Variants in KANTR observed in about 807,000 individuals in gnomAD.
The protein encoded by KANTR is KANTR integral membrane protein.
chrX:53,133,251 C>CA (rs1312667076), intron 2 of KANTR, among the ~76,000 whole-genome samples: 1 of 109,341 alleles, frequency 9.1e-6, no homozygotes, highest in African/African-American at 3.3e-5. Context: ...CCTGTGGTCC[C>CA]AGCTACCAGA....
chrX:53,133,656 A>G (rs781997215), intron 2 of KANTR, among the ~76,000 whole-genome samples: 1 of 111,843 alleles, frequency 8.9e-6, no homozygotes, highest in African/African-American at 3.2e-5. Context: ...ACCACACAGA[A>G]GTTGCCTGCT....
At chrX:53,116,791 C>G (rs1429331678) in intron 2 of KANTR, among the ~76,000 whole-genome samples, 3 of 111,520 alleles carry the variant, frequency 2.7e-5, no homozygotes, top group African/African-American at 9.8e-5. Flanking sequence ...CATCAAAGTC[C>G]TCGCTCTGCC....
At chrX:53,121,453 A>G (rs1933219131) in intron 2 of KANTR, among the ~76,000 whole-genome samples, 2 of 112,235 alleles carry the variant, frequency 1.8e-5, no homozygotes, top group African/African-American at 6.5e-5. Context: ...ACTACTACCT[A>G]AACATCAGAC....
At chrX:53,145,494 C>T (rs1556819183), downstream of KANTR, among the ~76,000 whole-genome samples, 3 of 111,834 alleles carry the variant, frequency 2.7e-5, no homozygotes, top group African/African-American at 6.5e-5. Flanking sequence ...GTAGGTAAAG[C>T]GGCCCGGAAG....
At chrX:53,097,249 C>G (rs1410512271) in intron 1 of KANTR, among the ~76,000 whole-genome samples, 1 of 111,082 alleles carries the variant, frequency 9.0e-6, no homozygotes, top group Non-Finnish European at 1.9e-5. Flanking sequence ...CCCCTCTTAC[C>G]GGGAAACTGG....
At chrX:53,114,209 A>C (rs375214687) in intron 2 of KANTR, among the ~76,000 whole-genome samples, 1,184 of 111,377 alleles carry the variant, frequency 0.011, 16 homozygotes, top group African/African-American at 0.037. Context: ...CAGGTTAAAA[A>C]AATTTTTTCC....
downstream of KANTR, chrX:53,143,304 T>A: frequency 1.6e-6 from 1 of 625,134 alleles, no homozygotes; most frequent in South Asian, 2.4e-5. Context: ...GCGCACAATC[T>A]CCTGCTTGGC....
chrX:53,101,445 A>C (rs781946463), intron 2 of KANTR, among the ~76,000 whole-genome samples: 13 of 111,748 alleles, frequency 1.2e-4, no homozygotes, highest in Non-Finnish European at 2.4e-4. Flanking sequence ...GTCTCCAAAA[A>C]AATAAAAATA....
intron 2 of KANTR, among the ~76,000 whole-genome samples, chrX:53,122,939 CTCAGAGTGT>C (rs1241017388): frequency 1.8e-5 from 2 of 111,893 alleles, no homozygotes; most frequent in Non-Finnish European, 3.8e-5. Context: ...TATAGAATGA[CTCAGAGTGT>C]TCCCTCTTTT....
exon 3 of KANTR, chrX:53,124,733 A>C (rs1556816014): frequency 1.8e-5 from 4 of 223,379 alleles, no homozygotes; most frequent in Non-Finnish European, 3.2e-5. Flanking sequence ...TTAAAATTTT[A>C]TCTCTTTGTT....
chrX:53,123,262 G>A (rs782387185), intron 2 of KANTR, among the ~76,000 whole-genome samples: 1 of 102,356 alleles, frequency 9.8e-6, no homozygotes, highest in East Asian at 3.0e-4. Flanking sequence ...GTCTTTTTTT[G>A]TACAAGTAGG....
At chrX:53,099,827 A>C in intron 2 of KANTR, among the ~76,000 whole-genome samples, 1 of 112,365 alleles carries the variant, frequency 8.9e-6, no homozygotes, top group Non-Finnish European at 1.9e-5. Context: ...CTCTTAGGTG[A>C]TCAGGTGCAT....
chrX:53,138,130 G>A (rs782242186), intron 2 of KANTR, among the ~76,000 whole-genome samples: 10 of 109,352 alleles, frequency 9.1e-5, no homozygotes, highest in Non-Finnish European at 1.5e-4. Flanking sequence ...GTTCAACAGC[G>A]TGATCTCGGC....
chrX:53,146,418 T>C (rs1362362923), downstream of KANTR, among the ~76,000 whole-genome samples: 1 of 111,007 alleles, frequency 9.0e-6, no homozygotes, highest in African/African-American at 3.3e-5. Flanking sequence ...ATGAATGAAA[T>C]GAAGCGAGAA....
At chrX:53,096,265 CT>C (rs782305350) in intron 1 of KANTR, among the ~76,000 whole-genome samples, 1 of 112,324 alleles carries the variant, frequency 8.9e-6, no homozygotes, top group East Asian at 2.8e-4. Context: ...GGATTTTTGT[CT>C]TTTTTGTTCT....
chrX:53,101,238 G>T (rs1265383510), intron 2 of KANTR, among the ~76,000 whole-genome samples: 2 of 112,736 alleles, frequency 1.8e-5, no homozygotes, highest in Non-Finnish European at 3.7e-5. Flanking sequence ...AAGAAGCCTA[G>T]CCTTCGGCCT....
chrX:53,134,768 A>T (rs782212646), intron 2 of KANTR, among the ~76,000 whole-genome samples: 4 of 111,681 alleles, frequency 3.6e-5, no homozygotes, highest in Non-Finnish European at 7.5e-5. Context: ...ATAAGTAAAT[A>T]AAAAGGTAAG....
exon 3 of KANTR, chrX:53,127,403 G>A (rs1933302976): frequency 8.9e-6 from 1 of 112,215 alleles, no homozygotes; most frequent in African/African-American, 3.2e-5. Context: ...ACAGTGCATA[G>A]TAGATACTCA....
chrX:53,102,224 G>A (rs1000379069), intron 2 of KANTR, among the ~76,000 whole-genome samples: 1 of 111,736 alleles, frequency 8.9e-6, no homozygotes, highest in Admixed American at 9.5e-5. Context: ...ACAATAAAAT[G>A]AGGTATTGCC....
Sources: gnomAD v4.1 joint callset for allele counts (sites outside exome capture counted in the v4.1 genomes callset) on GRCh38, gnomAD v4.1.1 for gene constraint, MANE v1.5 for transcripts, NCBI Gene and HGNC (gene_info 2026-07-23, HGNC 2026-07-21) for gene names.